Variants in LPAR6 observed in about 807,000 individuals in gnomAD.
LPAR6 encodes the protein lysophosphatidic acid receptor 6, also known as G-protein coupled purinergic receptor P2Y5.
Under a neutral mutation model 22.0 loss-of-function variants are expected in LPAR6, and 17 were observed. The ratio of observed to expected loss-of-function variants is 0.77; its 90% confidence interval spans 0.53 to 1.16. The LOEUF (loss-of-function observed/expected upper bound fraction) is 1.16, where lower values mean the gene tolerates loss of function less well. Among genes scored for constraint, LPAR6 ranks in the 50% most tolerant of loss-of-function variants. The pLI is 0.00. For missense variants in LPAR6, 384 were observed against 406.9 expected (o/e 0.94, Z 0.48); for synonymous variants, 136 against 139.8 (o/e 0.97, Z 0.19).
intron 1 of LPAR6, among the ~76,000 whole-genome samples, chr13:48,396,572 AG>A (rs1231498851): frequency 1.3e-5 from 2 of 152,248 alleles, no homozygotes; most frequent in African/African-American, 4.8e-5. Flanking sequence ...AATACCATTC[AG>A]GACATAGGCA....
At chr13:48,416,959 C>A (rs953458269), upstream of LPAR6, among the ~76,000 whole-genome samples, 1 of 152,196 alleles carries the variant, frequency 6.6e-6, no homozygotes, top group Non-Finnish European at 1.5e-5. Context: ...TGGGACAGAG[C>A]ACCTGGGGGA....
chr13:48,436,737 G>C (rs1038398331), intron 1 of LPAR6, among the ~76,000 whole-genome samples: 1 of 152,082 alleles, frequency 6.6e-6, no homozygotes, highest in Non-Finnish European at 1.5e-5. Flanking sequence ...AAGGTAAAAT[G>C]GAAAAGATCT....
At chr13:48,390,101 T>C (rs1312825961) in intron 1 of LPAR6, among the ~76,000 whole-genome samples, 1 of 152,116 alleles carries the variant, frequency 6.6e-6, no homozygotes, top group Non-Finnish European at 1.5e-5. Context: ...GAGCTGTGAT[T>C]GCACCACAGC....
chr13:48,414,856 G>T (rs992206027), upstream of LPAR6, among the ~76,000 whole-genome samples: 2 of 152,078 alleles, frequency 1.3e-5, no homozygotes, highest in Admixed American at 1.3e-4. Flanking sequence ...ATCACATTTG[G>T]TATAGAAAAG....
At chr13:48,402,219 C>G (rs1201454971) in intron 1 of LPAR6, among the ~76,000 whole-genome samples, 1 of 151,910 alleles carries the variant, frequency 6.6e-6, no homozygotes, top group East Asian at 1.9e-4. Context: ...TATCAGACAC[C>G]TTTAATAGTG....
In LPAR6 at chr13:48,412,534, A is replaced by G; in HGVS notation, c.-111T>C. On this transcript the variant is annotated 5_prime_UTR_variant, in exon 1 of 1. Coordinates refer to ENST00000620633, the MANE Select transcript of LPAR6 (RefSeq NM_001162498.3). Reference sequence around the variant, plus strand: ...TCCAATTTATTTGCAAATTATCTGGATCTTTGGATGGTTTTATAAATATTT... The same window carrying G: ...TCCAATTTATTTGCAAATTATCTGGGTCTTTGGATGGTTTTATAAATATTT... The G allele has an allele frequency of 1.3e-6, 1 of 770,936 alleles. No individual in the cohort carries two copies. The highest frequency in any genetic ancestry group is 2.4e-6 in the Non-Finnish European group (1 of 423,614). The allele number at this position is 770,936 out of a possible 1,614,324, so 47.8% of individuals were successfully genotyped here. A position where few individuals can be genotyped will look rare whatever the true frequency, so the allele number is the denominator to read the frequency against.
At chr13:48,413,840 AT>A (rs555215538), upstream of LPAR6, among the ~76,000 whole-genome samples, 519 of 152,222 alleles carry the variant, frequency 3.4e-3, 7 homozygotes, top group African/African-American at 0.012. Context: ...TTTAAGCAAA[AT>A]TTTTTTAACC....
At chr13:48,390,216 AATTC>A (rs1472411017) in intron 1 of LPAR6, among the ~76,000 whole-genome samples, 1 of 152,216 alleles carries the variant, frequency 6.6e-6, no homozygotes, top group Middle Eastern at 3.2e-3. Flanking sequence ...TTCATTAAAT[AATTC>A]ATTCATTAAA....
chr13:48,403,586 A>G (rs1333010566), intron 1 of LPAR6, among the ~76,000 whole-genome samples: 1 of 152,176 alleles, frequency 6.6e-6, no homozygotes, highest in Non-Finnish European at 1.5e-5. Context: ...GAGTGGGGCA[A>G]TAATCAGGAA....
downstream of LPAR6, among the ~76,000 whole-genome samples, chr13:48,409,259 G>C (rs1324274103): frequency 6.7e-6 from 1 of 150,082 alleles, no homozygotes; most frequent in African/African-American, 2.5e-5. Context: ...AGGCATTAAA[G>C]ATGTATTTTG....
intron 1 of LPAR6, among the ~76,000 whole-genome samples, chr13:48,396,590 A>T (rs531727546): frequency 2.0e-5 from 3 of 152,360 alleles, no homozygotes; most frequent in Admixed American, 2.0e-4. Context: ...GGCATGGGCA[A>T]AGACTTCATG....
At chr13:48,409,044 C>A (rs761195544), downstream of LPAR6, among the ~76,000 whole-genome samples, 4 of 151,750 alleles carry the variant, frequency 2.6e-5, no homozygotes, top group Non-Finnish European at 5.9e-5. Context: ...AAAGGAATTT[C>A]AGGTCAATGG....
intron 1 of LPAR6, among the ~76,000 whole-genome samples, chr13:48,398,312 C>T (rs908163447): frequency 6.6e-6 from 1 of 152,044 alleles, no homozygotes; most frequent in African/African-American, 2.4e-5. Flanking sequence ...TATAGCTTTG[C>T]CCTTGACTTC....
chr13:48,410,216 C>T (rs368025319), downstream of LPAR6, among the ~76,000 whole-genome samples: 29 of 152,272 alleles, frequency 1.9e-4, 1 homozygote, highest in South Asian at 6.0e-3. Flanking sequence ...ACCGCATAAA[C>T]GATGGTGGTC....
intron 1 of LPAR6, among the ~76,000 whole-genome samples, chr13:48,393,430 G>T (rs1948625588): frequency 6.6e-6 from 1 of 152,144 alleles, no homozygotes; most frequent in Admixed American, 6.5e-5. Context: ...CAATAATGAG[G>T]CTCACCATTT....
At position 48,405,477 on chromosome 13, in the gene LPAR6, C is replaced by T. The variant is rs1356989691; in HGVS notation, n.114+10223G>A. On this transcript the variant is annotated intron_variant and non_coding_transcript_variant, in intron 1 of 1. Coordinates refer to the LPAR6 transcript ENST00000462781. ...TGTTTTTCTCCCATCCTTGTTGGCCCATAGTTTTGACTGCATATAACAGGA... is the reference window on the plus strand; with the variant it reads ...TGTTTTTCTCCCATCCTTGTTGGCCTATAGTTTTGACTGCATATAACAGGA... Among the ~76,000 whole-genome samples, 4 of 152,244 alleles carry T rather than the reference C, an allele frequency of 2.6e-5. No individual in the cohort carries two copies. In the East Asian group the frequency reaches 5.8e-4, roughly 22 times the overall value.
chr13:48,390,824 CTTTA>C (rs1948605409), intron 1 of LPAR6, among the ~76,000 whole-genome samples: 2 of 152,166 alleles, frequency 1.3e-5, no homozygotes, highest in Admixed American at 1.3e-4. Context: ...TTTCCCCATT[CTTTA>C]TTTAACTTAT....
At chr13:48,405,518 C>T (rs1384934391) in intron 1 of LPAR6, among the ~76,000 whole-genome samples, 1 of 152,124 alleles carries the variant, frequency 6.6e-6, no homozygotes, top group African/African-American at 2.4e-5. Context: ...CATGCACAGC[C>T]CACAGACCAT....
At chr13:48,408,974 T>A (rs1027368046), downstream of LPAR6, among the ~76,000 whole-genome samples, 1 of 152,138 alleles carries the variant, frequency 6.6e-6, no homozygotes, top group African/African-American at 2.4e-5. Flanking sequence ...GGTAGTTGCT[T>A]CTCAACTCAG....
Sources: gnomAD v4.1 joint callset for allele counts (sites outside exome capture counted in the v4.1 genomes callset) on GRCh38, gnomAD v4.1.1 for gene constraint, MANE v1.5 for transcripts, NCBI Gene and HGNC (gene_info 2026-07-23, HGNC 2026-07-21) for gene names.